Variants in KIF13A observed in about 807,000 individuals in gnomAD.
KIF13A encodes the protein kinesin family member 13A, also known as kinesin-like protein KIF13A.
A neutral mutation model predicts 212.2 loss-of-function variants in KIF13A; 79 were observed. The observed-to-expected ratio is 0.37, with a 90% confidence interval of 0.31 to 0.45. KIF13A has a LOEUF of 0.45. KIF13A is among the 20% of genes least tolerant of loss of function. The probability of loss-of-function intolerance (pLI) is 1.00; values close to 1 mark genes in which losing one functional copy is unlikely to be tolerated. For missense variants in KIF13A, 1,901 were observed against 2,209.0 expected, an observed-to-expected ratio of 0.86 and a Z score of 2.79; for synonymous variants, 789 against 808.6, an observed-to-expected ratio of 0.98 and a Z score of 0.41.
intron 25 of KIF13A, among the ~76,000 whole-genome samples, chr6:17,793,641 G>A (rs562116864): frequency 1.3e-5 from 2 of 152,054 alleles, no homozygotes; most frequent in African/African-American, 4.8e-5. Flanking sequence ...GGCCAGGTGC[G>A]GTGGCTCATG....
At position 17,888,912 on chromosome 6, in the gene KIF13A, T is replaced by A. The variant is rs1277094651; in HGVS notation, c.159+9256A>T. ...CAAATATATAAAAAATCTTATATTC[T>A]TTTTCTTTCTTGTACCAAGTCTTCT... On this transcript the variant is annotated intron_variant, in intron 3 of 38. Transcript: ENST00000259711. This position sits in a 1 kb window ranked among gnomAD's most constrained non-coding sequence, Gnocchi z 4.8. Among the ~76,000 whole-genome samples, 1 of 152,126 alleles carries A rather than the reference T, an allele frequency of 6.6e-6. No homozygotes were observed. The highest frequency in any genetic ancestry group is 2.4e-5 in the African/African-American group (1 of 41,432).
Position 17,787,379 on chromosome 6 carries a change from G to C in KIF13A, c.3361+397C>G, listed in dbSNP as rs966708807. The stretch of plus-strand genomic sequence containing the variant: ...GTTCACAAAACTAAACAGGCTGGGC[G>C]CAGTGGCTAACACCTGCAATTCCAG... On this transcript the variant is annotated intron_variant, in intron 27 of 38. Coordinates refer to ENST00000259711, the MANE Select transcript of KIF13A (RefSeq NM_022113.6). This position sits in a 1 kb window ranked among gnomAD's most constrained non-coding sequence, Gnocchi z 4.6. Among the ~76,000 whole-genome samples, 1 of 152,126 alleles carries C rather than the reference G, an allele frequency of 6.6e-6. No individual in the cohort carries two copies. Among genetic ancestry groups the C allele is most frequent in the Non-Finnish European group, 1.5e-5 (1 of 68,014 alleles).
intron 2 of KIF13A, among the ~76,000 whole-genome samples, chr6:17,975,929 G>T (rs1207247396): frequency 6.6e-6 from 1 of 150,448 alleles, no homozygotes; most frequent in Non-Finnish European, 1.5e-5. Context: ...TAGACATAAA[G>T]GTTCTCCAAG....
chr6:17,881,919 C>A, intron 3 of KIF13A: 1 of 432,148 alleles, frequency 2.3e-6, no homozygotes, highest in Non-Finnish European at 4.7e-6. Flanking sequence ...ATGCTTGAAC[C>A]CGGGAGACTG....
At chr6:17,937,300 T>G (rs905900303) in intron 2 of KIF13A, among the ~76,000 whole-genome samples, 4 of 152,214 alleles carry the variant, frequency 2.6e-5, no homozygotes, top group Non-Finnish European at 5.9e-5. Context: ...ACTCCAATAT[T>G]TGTTATTGCT....
intron 3 of KIF13A, among the ~76,000 whole-genome samples, chr6:17,874,040 A>C (rs1770265063): frequency 6.6e-6 from 1 of 152,180 alleles, no homozygotes; most frequent in South Asian, 2.1e-4. Flanking sequence ...GAAAACACAA[A>C]AAACAAAAAC....
At chr6:17,821,730 C>G in intron 16 of KIF13A, 1 of 1,521,890 alleles carries the variant, frequency 6.6e-7, no homozygotes, top group South Asian at 1.2e-5. Context: ...CATCAATCAG[C>G]AGCACTGCTA....
rs73722830 is a variant in KIF13A, at chr6:17,805,642, A to G, written c.2164-27T>C. 2.1e-4 allele frequency: 327 copies of G among 1,565,094 alleles called. 2 individuals carry two copies. The African/African-American group carries it at 3.9e-3, about 19-fold the overall frequency. ...TGCATAAGGAAGAAAAACAAAACAA[A>G]CCCTGTTATAACTCCTTTTTCGATT... is the stretch of plus-strand genomic sequence containing the variant. On this transcript the variant is annotated intron_variant, in intron 18 of 38. Coordinates refer to ENST00000259711, the MANE Select transcript of KIF13A (RefSeq NM_022113.6).
chr6:17,779,901 T>G (rs551157248), intron 31 of KIF13A, among the ~76,000 whole-genome samples: 75 of 151,922 alleles, frequency 4.9e-4, no homozygotes, highest in African/African-American at 1.7e-3. Context: ...CCACCTCACC[T>G]GGCTAACTTT....
At position 17,838,277 on chromosome 6, in the gene KIF13A, C is replaced by T. The variant is rs181699774; in HGVS notation, c.831-694G>A. 2.7e-3 allele frequency among the ~76,000 whole-genome samples: 412 copies of T among 150,092 alleles called. 3 individuals are homozygous for T. The highest frequency in any genetic ancestry group is 9.4e-3 in the African/African-American group (383 of 40,816). On this transcript the variant is annotated intron_variant, in intron 9 of 38. Coordinates refer to ENST00000259711, the MANE Select transcript of KIF13A (RefSeq NM_022113.6). The surrounding 1 kb of genome is among the most constrained non-coding windows in gnomAD (Gnocchi z 4.2). Reference sequence around the variant, plus strand: ...CGGAGGCTGCAGTGAGCCAAGATCGCGCCACTGTACTCCAGCCTGGGCGAC... The same window carrying T: ...CGGAGGCTGCAGTGAGCCAAGATCGTGCCACTGTACTCCAGCCTGGGCGAC...
At position 17,785,484 on chromosome 6, in the gene KIF13A, C is replaced by A; in HGVS notation, c.3488+31G>T. Reference sequence around the variant, plus strand: ...CCACAGGCGACCTGTACCATCTCCCCAGGTCTGCACAGAAGGGAGGGCAGC... The same window carrying A: ...CCACAGGCGACCTGTACCATCTCCCAAGGTCTGCACAGAAGGGAGGGCAGC... On this transcript the variant is annotated intron_variant, in intron 28 of 38. Transcript: ENST00000259711. The surrounding 1 kb of genome is among the most constrained non-coding windows in gnomAD (Gnocchi z 5.8). 6.7e-7 allele frequency: 1 copy of A among 1,500,050 alleles called. No homozygotes were observed. Among genetic ancestry groups the A allele is most frequent in the South Asian group, 1.4e-5 (1 of 71,920 alleles). The allele number at this position is 1,500,050 out of a possible 1,614,324, so 92.9% of individuals were successfully genotyped here. A position where few individuals can be genotyped will look rare whatever the true frequency, so the allele number is the denominator to read the frequency against.
At chr6:17,806,112 T>G (rs1181438754) in intron 18 of KIF13A, among the ~76,000 whole-genome samples, 1 of 151,996 alleles carries the variant, frequency 6.6e-6, no homozygotes, top group African/African-American at 2.4e-5. Context: ...TTGTATTTTT[T>G]TGTATAGATG....
intron 29 of KIF13A, among the ~76,000 whole-genome samples, chr6:17,782,376 G>C (rs1216680885): frequency 6.6e-6 from 1 of 151,986 alleles, no homozygotes; most frequent in Non-Finnish European, 1.5e-5. Flanking sequence ...AGTGGCTCAC[G>C]CCTGTAATCC....
chr6:17,954,379 T>C (rs1272308918), intron 2 of KIF13A, among the ~76,000 whole-genome samples: 1 of 152,018 alleles, frequency 6.6e-6, no homozygotes, highest in African/African-American at 2.4e-5. Flanking sequence ...GGACCACATC[T>C]TCCCCCTTTT....
intron 2 of KIF13A, among the ~76,000 whole-genome samples, chr6:17,957,486 G>A (rs1334051209): frequency 6.6e-6 from 1 of 152,152 alleles, no homozygotes; most frequent in Admixed American, 6.5e-5. Flanking sequence ...GTGCTCCCCT[G>A]AGTTCTGTGA....
At chr6:17,859,717 C>A (rs1768548782) in intron 4 of KIF13A, among the ~76,000 whole-genome samples, 1 of 149,074 alleles carries the variant, frequency 6.7e-6, no homozygotes, top group Non-Finnish European at 1.5e-5. Context: ...CTCACTGCAA[C>A]CTCCACCTCT....
rs1334138310 is a variant in KIF13A, at chr6:17,771,914, G to A, written c.4470C>T (p.Ser1490=). The A allele has an allele frequency of 1.9e-6, 3 of 1,613,922 alleles. No individual in the cohort carries two copies. The South Asian group carries it at 3.3e-5, about 18-fold the overall frequency. Reference sequence around the variant, plus strand: ...AGACAAGTCAAGCATTTACCTCCTGGCTTAGAAGAGGCCTTGCTTCCAGGG... The same window carrying A: ...AGACAAGTCAAGCATTTACCTCCTGACTTAGAAGAGGCCTTGCTTCCAGGG... The part of the protein sequence containing the change: ...RIALEARPLL[S]QESMPPPQAH... The change falls in exon 37 of 39, where the codon AGC becomes AGT. Residue 1490 remains serine, a synonymous_variant. Coordinates refer to ENST00000259711, the MANE Select transcript of KIF13A (RefSeq NM_022113.6). This position sits in a 1 kb window ranked among gnomAD's most constrained non-coding sequence, Gnocchi z 5.4.
chr6:17,785,497 A>G lies in KIF13A; in HGVS notation c.3488+18T>C, dbSNP rs1366775482. On this transcript the variant is annotated intron_variant, in intron 28 of 38. Coordinates refer to ENST00000259711, the MANE Select transcript of KIF13A (RefSeq NM_022113.6). The surrounding 1 kb of genome is among the most constrained non-coding windows in gnomAD (Gnocchi z 5.8). ...GTACCATCTCCCCAGGTCTGCACAG[A>G]AGGGAGGGCAGCCTTACCAGTCGGC... 2 of 1,540,920 alleles carry G rather than the reference A, an allele frequency of 1.3e-6. No homozygotes were observed.
chr6:17,775,917 T>A (rs1759928256), intron 34 of KIF13A, among the ~76,000 whole-genome samples: 2 of 152,162 alleles, frequency 1.3e-5, no homozygotes, highest in South Asian at 4.1e-4. Context: ...GTTTCACTCT[T>A]GTTGCCCAGG....
Sources: allele counts gnomAD v4.1 joint callset (sites outside exome capture counted in the v4.1 genomes callset), GRCh38; gene constraint gnomAD v4.1.1; non-coding constraint Gnocchi (gnomAD v3.1); transcripts MANE v1.5; gene names NCBI Gene and HGNC (gene_info 2026-07-23, HGNC 2026-07-21).